The following LPA variants were observed in gnomAD, a reference collection of about 807,000 sequenced individuals.
LPA encodes the protein apolipoprotein(a).
A neutral mutation model predicts 197.9 loss-of-function variants in LPA; 199 were observed. The ratio of observed to expected loss-of-function variants is 1.01; its 90% CI spans 0.90 to 1.13. LPA has a LOEUF of 1.13. Among genes scored for constraint, LPA ranks in the 50% most tolerant of loss-of-function variants. The pLI, the probability that LPA is intolerant of heterozygous loss-of-function variation, is 0.00. For missense variants in LPA, 1,853 were observed against 1,785.8 expected, an observed-to-expected ratio of 1.04 and a Z score of -0.68; for synonymous variants, 715 against 639.5, an observed-to-expected ratio of 1.12 and a Z score of -1.78.
chr6:160,594,311 G>A lies in LPA; in HGVS notation c.3470-194C>T, dbSNP rs145279407. ...ATTCTAGAACTTTAACGAGTTCTTAGAAAGATTTCCTTTAAAACACAGGCA... is the reference window on the plus strand; with the variant it reads ...ATTCTAGAACTTTAACGAGTTCTTAAAAAGATTTCCTTTAAAACACAGGCA... On this transcript the variant is annotated intron_variant, in intron 21 of 38. Transcript: ENST00000316300. Among the ~76,000 whole-genome samples the A allele has an allele frequency of 5.3e-5, 8 of 152,312 alleles. No homozygotes were observed. In the East Asian group the frequency reaches 1.5e-3, roughly 29 times the overall value.
intron 23 of LPA, 35 bp downstream of exon 23, chr6:160,590,909 C>A: frequency 6.2e-7 from 1 of 1,613,690 alleles, no homozygotes; most frequent in Non-Finnish European, 8.5e-7. Context: ...ATCCCAACGT[C>A]CAAGGGTGTG....
At chr6:160,652,107 CAG>C (rs746273920) in intron 1 of LPA, among the ~76,000 whole-genome samples, 5 of 136,724 alleles carry the variant, frequency 3.7e-5, no homozygotes, top group African/African-American at 5.5e-5. Context: ...AAGAAGAATA[CAG>C]AGAGAGAGAA....
intron 32 of LPA, among the ~76,000 whole-genome samples, 155 bp downstream of exon 32, chr6:160,547,634 C>T (rs755979193): frequency 1.3e-4 from 20 of 152,134 alleles, no homozygotes; most frequent in Non-Finnish European, 2.2e-4. Context: ...CCCCCACACG[C>T]GTGGGGCTTT....
rs1441650836 is a variant in LPA, at chr6:160,595,353, C to A, written c.3469+1G>T. ...TGGTTGTCTGGCCATAGACTTCCTA[C>A]CTTCTTCAGAAGAAGCCTCTGTGCT... On this transcript the variant is annotated splice_donor_variant, in intron 21 of 38. Transcript: ENST00000316300. LOFTEE classifies it high-confidence loss of function. The A allele has an allele frequency of 3.1e-6, 5 of 1,612,060 alleles. No individual in the cohort carries two copies. Among genetic ancestry groups the A allele is most frequent in the Non-Finnish European group, 4.2e-6 (5 of 1,179,862 alleles).
chr6:160,559,817 T>C (rs1203018864), intron 28 of LPA, among the ~76,000 whole-genome samples: 4 of 152,188 alleles, frequency 2.6e-5, no homozygotes, highest in African/African-American at 7.2e-5. Flanking sequence ...ATACTTTAAG[T>C]TCTGAGATAC....
At chr6:160,542,994 C>G (rs1374373842) in intron 33 of LPA, among the ~76,000 whole-genome samples, 186 bp from the exon 34 acceptor site, 1 of 152,164 alleles carries the variant, frequency 6.6e-6, no homozygotes, top group Non-Finnish European at 1.5e-5. Flanking sequence ...ACAAAGGACA[C>G]TCTCCTTTCA....
chr6:160,650,313 G>C, intron 2 of LPA, 25 bp downstream of exon 2: 1 of 1,611,240 alleles, frequency 6.2e-7, no homozygotes, highest in South Asian at 1.1e-5. Flanking sequence ...ACCTTGTTTT[G>C]CTTACTGTAA....
intron 16 of LPA, among the ~76,000 whole-genome samples, chr6:160,608,815 A>AG (rs1779416729): frequency 2.8e-5 from 3 of 108,716 alleles, no homozygotes; most frequent in African/African-American, 9.6e-5. Flanking sequence ...CTATTTCTTG[A>AG]GGGTTGTGTG....
chr6:160,576,394 A>ATATATATATATATATGTG, intron 28 of LPA, among the ~76,000 whole-genome samples: 1 of 53,754 alleles, frequency 1.9e-5, no homozygotes, highest in Non-Finnish European at 4.7e-5. Context: ...ATATATGTAT[A>ATATATATATATATATGTG]TATATATATA....
At chr6:160,588,206 C>T (rs914174157) in intron 24 of LPA, among the ~76,000 whole-genome samples, 2 of 151,948 alleles carry the variant, frequency 1.3e-5, no homozygotes, top group East Asian at 1.9e-4. Context: ...AATAGGAATG[C>T]CATATAACTG....
chr6:160,553,461 T>G (rs1367740122), intron 30 of LPA, among the ~76,000 whole-genome samples: 1 of 152,148 alleles, frequency 6.6e-6, no homozygotes, highest in African/African-American at 2.4e-5. Context: ...GGTTTTTTTG[T>G]TTATTTGTTT....
At chr6:160,576,367 CATAT>C (rs1158223888) in intron 28 of LPA, among the ~76,000 whole-genome samples, 8,103 of 77,274 alleles carry the variant, frequency 0.1, 690 homozygotes, top group African/African-American at 0.25. Flanking sequence ...TATATATATA[CATAT>C]ATATATATAT....
intron 24 of LPA, among the ~76,000 whole-genome samples, chr6:160,586,862 A>AACT (rs1479282668): frequency 6.6e-6 from 1 of 152,220 alleles, no homozygotes; most frequent in Non-Finnish European, 1.5e-5. Context: ...TTTATAAGAA[A>AACT]ACTGAGAGAA....
At chr6:160,660,288 T>C (rs1338140218) in intron 1 of LPA, among the ~76,000 whole-genome samples, 1 of 152,180 alleles carries the variant, frequency 6.6e-6, no homozygotes, top group African/African-American at 2.4e-5. Context: ...GAGCGACTGC[T>C]GGGCATCTTA....
intron 36 of LPA, 126 bp downstream of exon 36, chr6:160,539,917 C>T (rs1180875442): frequency 7.7e-7 from 1 of 1,305,094 alleles, no homozygotes; most frequent in Non-Finnish European, 1.1e-6. Context: ...GTCCCCAAAG[C>T]CCTTGAGCCT....
At chr6:160,541,299 A>G in intron 34 of LPA, 118 bp from the exon 35 acceptor site, 1 of 781,324 alleles carries the variant, frequency 1.3e-6, no homozygotes. Flanking sequence ...TCCCAAAGCA[A>G]AGGACTACCG....
intron 18 of LPA, among the ~76,000 whole-genome samples, 154 bp downstream of exon 18, chr6:160,604,892 A>G (rs1256101393): frequency 3.3e-5 from 5 of 151,908 alleles, no homozygotes; most frequent in African/African-American, 4.8e-5. Context: ...CTTCTCTTAG[A>G]CTCTTTGCTC....
chr6:160,571,740 G>A (rs186545575), intron 28 of LPA, among the ~76,000 whole-genome samples: 66 of 152,300 alleles, frequency 4.3e-4, no homozygotes, highest in African/African-American at 1.4e-3. Flanking sequence ...AAGCTTGAGC[G>A]TCCCAGGTCA....
At chr6:160,574,362 C>T (rs1778617024) in intron 28 of LPA, among the ~76,000 whole-genome samples, 1 of 152,126 alleles carries the variant, frequency 6.6e-6, no homozygotes, top group Non-Finnish European at 1.5e-5. Context: ...TTTAGTCCTT[C>T]CCCCACCTGT....
Sources: allele counts gnomAD v4.1 joint callset (sites outside exome capture counted in the v4.1 genomes callset), GRCh38; gene constraint gnomAD v4.1.1; transcripts MANE v1.5; gene names NCBI Gene and HGNC (gene_info 2026-07-23, HGNC 2026-07-21).